The following LMLN variants were observed in gnomAD, a reference collection of about 807,000 sequenced individuals.
LMLN encodes leishmanolysin like peptidase.
In LMLN, 70 loss-of-function variants were observed where a neutral mutation model predicts 92.3. The observed-to-expected ratio is 0.76, with a 90% confidence interval of 0.63 to 0.92. The LOEUF is 0.92. Ranked by LOEUF, LMLN falls within the 40% of genes least tolerant of loss-of-function variation. The probability of loss-of-function intolerance (pLI) is 0.00; values close to 1 mark genes in which losing one functional copy is unlikely to be tolerated. For synonymous variants in LMLN, 308 were observed against 296.2 expected (o/e 1.04, Z -0.41); for missense variants, 691 against 814.6 (o/e 0.85, Z 1.85).
chr3:198,038,232 T>C, intron 15 of LMLN: 1 of 265,950 alleles, frequency 3.8e-6, no homozygotes, highest in East Asian at 8.9e-5. Flanking sequence ...ACTTAGAAGG[T>C]ACAAAGAAAG....
chr3:198,015,725 T>C (rs186503886), intron 11 of LMLN, among the ~76,000 whole-genome samples: 1,814 of 152,010 alleles, frequency 0.012, 13 homozygotes, highest in Non-Finnish European at 0.017. Context: ...CTCTGTACCC[T>C]TCAGAGTCCC....
chr3:197,961,861 C>T (rs898287537), intron 1 of LMLN, among the ~76,000 whole-genome samples: 3 of 152,176 alleles, frequency 2.0e-5, no homozygotes, highest in Admixed American at 6.5e-5. Flanking sequence ...TTTATTACGC[C>T]GGTACAAACA....
intron 6 of LMLN, among the ~76,000 whole-genome samples, chr3:197,983,431 G>A (rs1446236945): frequency 1.3e-5 from 2 of 151,702 alleles, no homozygotes; most frequent in African/African-American, 4.9e-5. Flanking sequence ...GAATTTGGAA[G>A]AAGATGATGG....
chr3:198,015,051 C>T (rs199613907), intron 11 of LMLN, among the ~76,000 whole-genome samples: 1 of 142,668 alleles, frequency 7.0e-6, no homozygotes, highest in East Asian at 2.2e-4. Flanking sequence ...TCTGACTTCT[C>T]TCCACCCTTC....
At chr3:197,973,043 A>G (rs1721273236) in intron 1 of LMLN, among the ~76,000 whole-genome samples, 1 of 152,160 alleles carries the variant, frequency 6.6e-6, no homozygotes, top group Non-Finnish European at 1.5e-5. Flanking sequence ...TCTCAAGCCA[A>G]AGTTAGACTT....
At chr3:198,027,590 A>G (rs1188859265) in intron 14 of LMLN, among the ~76,000 whole-genome samples, 1 of 152,060 alleles carries the variant, frequency 6.6e-6, no homozygotes, top group African/African-American at 2.4e-5. Context: ...GATAGTCCTT[A>G]TAAGTAGAAT....
chr3:197,978,622 G>A (rs552542906), intron 5 of LMLN, among the ~76,000 whole-genome samples: 69 of 152,280 alleles, frequency 4.5e-4, no homozygotes, highest in Non-Finnish European at 8.5e-4. Context: ...GGGTGACAGA[G>A]TGAGACCCTG....
At chr3:197,993,730 A>G (rs1253947367) in intron 9 of LMLN, among the ~76,000 whole-genome samples, 1 of 152,174 alleles carries the variant, frequency 6.6e-6, no homozygotes, top group Non-Finnish European at 1.5e-5. Context: ...AAGTAGAAAA[A>G]AAATCCTCAA....
chr3:198,040,611 G>A (rs1174968705), exon 16 of LMLN: 1 of 117,418 alleles, frequency 8.5e-6, no homozygotes, highest in East Asian at 2.4e-4. Flanking sequence ...CACAACCCTC[G>A]GACAGACTCC....
At chr3:198,009,732 A>T (rs1722383127) in intron 11 of LMLN, among the ~76,000 whole-genome samples, 2 of 152,134 alleles carry the variant, frequency 1.3e-5, no homozygotes, top group African/African-American at 4.8e-5. Context: ...GAATTGGTTC[A>T]TTTTGTCTAA....
At chr3:198,038,585 C>T (rs201102192) in exon 16 of LMLN, 31 of 1,613,846 alleles carry the variant, frequency 1.9e-5, no homozygotes, top group African/African-American at 2.7e-5. Flanking sequence ...TCCTGTTCCT[C>T]GAGCCTGGTG....
intron 11 of LMLN, among the ~76,000 whole-genome samples, chr3:198,017,245 T>C (rs1383511708): frequency 3.3e-5 from 5 of 152,216 alleles, no homozygotes; most frequent in African/African-American, 1.2e-4. Context: ...TTCAGAATCA[T>C]TTACAGGATA....
At chr3:197,971,041 G>A (rs1022212953) in intron 1 of LMLN, among the ~76,000 whole-genome samples, 73 of 152,256 alleles carry the variant, frequency 4.8e-4, no homozygotes, top group African/African-American at 1.7e-3. Flanking sequence ...ATAGACTTCT[G>A]TGTTGAATTT....
rs973526782 is a variant in LMLN, at chr3:198,019,465, T to G, written c.1365+80T>G. Reference sequence around the variant, plus strand: ...ATTTTAACTAAAAGAGTAAATTCTCTTAAGATTCTTAATTTATAAGGCCTT... The same window carrying G: ...ATTTTAACTAAAAGAGTAAATTCTCGTAAGATTCTTAATTTATAAGGCCTT... On this transcript the variant is annotated intron_variant, in intron 12 of 15. Transcript: ENST00000330198. This position sits in a 1 kb window ranked among gnomAD's most constrained non-coding sequence, Gnocchi z 5.5. 2 of 1,344,034 alleles carry G rather than the reference T, an allele frequency of 1.5e-6. No homozygotes were observed. The highest frequency in any genetic ancestry group is 4.8e-5 in the East Asian group (2 of 41,496). 83.3% of individuals were successfully genotyped at this position (1,344,034 alleles called of 1,614,324 possible).
intron 1 of LMLN, 141 bp downstream of exon 1, chr3:197,960,581 C>A: frequency 1.3e-6 from 1 of 742,722 alleles, no homozygotes; most frequent in Non-Finnish European, 2.2e-6. Context: ...AGGCCTGGGA[C>A]CCGCTCTCAG....
intron 11 of LMLN, among the ~76,000 whole-genome samples, chr3:198,011,632 T>C (rs1348233461): frequency 6.6e-6 from 1 of 151,446 alleles, no homozygotes. Flanking sequence ...CCTTTGGGTA[T>C]ATACCCAGTA....
chr3:197,975,547 A>G lies in LMLN; in HGVS notation c.348+475A>G, dbSNP rs150100655. ...CGCACATGCACGCACACATGCACAC[A>G]CACAAAGCCAGTTCACTATGGGCGA... is the stretch of plus-strand genomic sequence containing the variant. On this transcript the variant is annotated intron_variant, in intron 3 of 15. Coordinates refer to ENST00000330198, the Ensembl canonical transcript of LMLN. Among the ~76,000 whole-genome samples, 862 of 152,258 alleles carry G rather than the reference A, an allele frequency of 5.7e-3. 2 individuals carry two copies. Among genetic ancestry groups the G allele is most frequent in the Non-Finnish European group, 9.5e-3 (647 of 68,028 alleles).
At position 197,996,440 on chromosome 3, in the gene LMLN, T is replaced by A. The variant is rs1722019747; in HGVS notation, c.1155+158T>A. 5 of 474,192 alleles carry A rather than the reference T, an allele frequency of 1.1e-5. No individual in the cohort carries two copies. The East Asian group carries it at 1.7e-4, about 16-fold the overall frequency. The allele number at this position is 474,192 out of a possible 1,614,324, so 29.4% of individuals were successfully genotyped here. The stretch of plus-strand genomic sequence containing the variant: ...TTTCCAGATACAGTCACTCCTTACT[T>A]TTTTTGTATATACTTTCATAAATGT... On this transcript the variant is annotated intron_variant, in intron 10 of 15. Coordinates refer to ENST00000330198, the Ensembl canonical transcript of LMLN.
intron 7 of LMLN, among the ~76,000 whole-genome samples, chr3:197,985,281 C>T (rs1169601578): frequency 1.3e-5 from 2 of 151,806 alleles, no homozygotes; most frequent in East Asian, 2.0e-4. Context: ...GGGCCGGGCG[C>T]GGTGGCTCTC....
Sources: gnomAD v4.1 joint callset for allele counts (sites outside exome capture counted in the v4.1 genomes callset) on GRCh38, gnomAD v4.1.1 for gene constraint, Gnocchi (gnomAD v3.1) non-coding constraint, MANE v1.5 for transcripts, NCBI Gene and HGNC (gene_info 2026-07-23, HGNC 2026-07-21) for gene names.